RBMS1: variants seen among roughly 807,000 people sequenced by gnomAD.
The protein encoded by RBMS1 is RNA binding motif single stranded interacting protein 1, also known as RNA-binding motif, single-stranded-interacting protein 1.
A neutral mutation model predicts 62.3 loss-of-function variants in RBMS1; 17 were observed. The ratio of observed to expected loss-of-function variants is 0.27; its 90% CI spans 0.19 to 0.41. The LOEUF (loss-of-function observed/expected upper bound fraction) is 0.41. Ranked by LOEUF, RBMS1 falls within the 10% of genes least tolerant of loss-of-function variation. RBMS1 has a pLI of 1.00. For missense variants in RBMS1, 334 were observed against 504.5 expected (o/e 0.66, Z 3.24); for synonymous variants, 172 against 170.0 (o/e 1.01, Z -0.09).
intron 1 of RBMS1, among the ~76,000 whole-genome samples, chr2:160,374,609 A>G (rs1266364484): frequency 6.6e-6 from 1 of 151,994 alleles, no homozygotes; most frequent in African/African-American, 2.4e-5. Flanking sequence ...CCTTCCTTCT[A>G]TAAAAATAAT....
At chr2:160,339,419 T>G (rs1165650071) in intron 2 of RBMS1, among the ~76,000 whole-genome samples, 1 of 152,188 alleles carries the variant, frequency 6.6e-6, no homozygotes, top group East Asian at 1.9e-4. Context: ...TGTTACTCGT[T>G]TTTCCTGTGT....
At chr2:160,351,002 A>G (rs773003220) in intron 2 of RBMS1, among the ~76,000 whole-genome samples, 3 of 152,076 alleles carry the variant, frequency 2.0e-5, no homozygotes, top group Non-Finnish European at 2.9e-5. Flanking sequence ...CGCCATAAAA[A>G]AGGATAAGTT....
chr2:160,486,394 T>C (rs572698755), intron 1 of RBMS1, among the ~76,000 whole-genome samples: 1 of 152,194 alleles, frequency 6.6e-6, no homozygotes, highest in African/African-American at 2.4e-5. Context: ...AAGAAACACC[T>C]CTAGTATTGT....
At chr2:160,300,550 T>G in intron 6 of RBMS1, 101 bp downstream of exon 6, 1 of 1,371,614 alleles carries the variant, frequency 7.3e-7, no homozygotes, top group South Asian at 2.1e-5. Context: ...TCTTAAAGAG[T>G]GAAATGAGGG....
chr2:160,289,798 T>C (rs1201388878), intron 6 of RBMS1, among the ~76,000 whole-genome samples: 1 of 152,036 alleles, frequency 6.6e-6, no homozygotes, highest in Non-Finnish European at 1.5e-5. Context: ...GTTCCATTTA[T>C]TTGAAGGACA....
intron 1 of RBMS1, among the ~76,000 whole-genome samples, chr2:160,487,231 G>C (rs1017959970): frequency 6.6e-6 from 1 of 152,114 alleles, no homozygotes; most frequent in African/African-American, 2.4e-5. Flanking sequence ...CAGATTTATT[G>C]TAGCTTTTAT....
chr2:160,326,742 G>C (rs545246434), intron 2 of RBMS1, among the ~76,000 whole-genome samples: 1 of 152,166 alleles, frequency 6.6e-6, no homozygotes. Context: ...AAATTACAAT[G>C]AGGGATGACG....
At chr2:160,283,578 AT>A (rs2105933594) in intron 9 of RBMS1, 1 of 152,362 alleles carries the variant, frequency 6.6e-6, no homozygotes, top group Admixed American at 6.5e-5. Context: ...GTTTTAGCGT[AT>A]CTAATCACTT....
intron 1 of RBMS1, among the ~76,000 whole-genome samples, chr2:160,430,838 G>C (rs1004319139): frequency 2.6e-5 from 4 of 151,870 alleles, no homozygotes; most frequent in African/African-American, 9.7e-5. Context: ...TTCTTTCCTT[G>C]CTTATTCTCA....
At chr2:160,393,527 T>C (rs756265171) in intron 1 of RBMS1, among the ~76,000 whole-genome samples, 1 of 152,040 alleles carries the variant, frequency 6.6e-6, no homozygotes, top group African/African-American at 2.4e-5. Flanking sequence ...CCTGTAATCC[T>C]AGCAACTTTG....
In RBMS1 at chr2:160,309,082, G is replaced by C. The variant is rs546476796; in HGVS notation, c.402+4074C>G. Among the ~76,000 whole-genome samples the C allele has an allele frequency of 2.0e-5, 3 of 152,290 alleles. No individual in the cohort carries two copies. The South Asian group carries it at 6.2e-4, about 32-fold the overall frequency. ...GGGTGTCAGGCACTCCCACATTCCA[G>C]AGTGAGAAATCAGACCACCTAAAGA... On this transcript the variant is annotated intron_variant, in intron 4 of 13. Coordinates refer to ENST00000348849, the MANE Select transcript of RBMS1 (RefSeq NM_016836.4).
intron 1 of RBMS1, among the ~76,000 whole-genome samples, chr2:160,440,140 T>TCA (rs113758452): frequency 6.8e-6 from 1 of 146,258 alleles, no homozygotes. Flanking sequence ...TGAGACAGAG[T>TCA]CTCTGTTGCC....
chr2:160,425,318 T>C (rs1682504685), intron 1 of RBMS1, among the ~76,000 whole-genome samples: 1 of 152,218 alleles, frequency 6.6e-6, no homozygotes, highest in Admixed American at 6.5e-5. Context: ...CAAAATAACA[T>C]TTGTCTTCCA....
In RBMS1 at chr2:160,354,077, T is replaced by A. The variant is rs1692664484; in HGVS notation, c.251+13139A>T. Reference sequence around the variant, plus strand: ...TGTTATGCTGTTTCTCCATTAAGTATCTCTCTGTCTTCTGACTCCTGAATC... The same window carrying A: ...TGTTATGCTGTTTCTCCATTAAGTAACTCTCTGTCTTCTGACTCCTGAATC... On this transcript the variant is annotated intron_variant, in intron 2 of 13. Transcript: ENST00000348849. Among the ~76,000 whole-genome samples the A allele has an allele frequency of 1.3e-5, 2 of 152,122 alleles. 1 individual carries two copies. Among genetic ancestry groups the A allele is most frequent in the South Asian group, 4.1e-4 (2 of 4,836 alleles).
chr2:160,396,550 CTTTTTTTTT>C (rs59600753), intron 1 of RBMS1, among the ~76,000 whole-genome samples: 40 of 77,852 alleles, frequency 5.1e-4, no homozygotes, highest in East Asian at 5.1e-3. Flanking sequence ...TTCTTTTTAT[CTTTTTTTTT>C]TTTTTTTTTT....
chr2:160,288,043 T>TA lies in RBMS1; in HGVS notation c.641-960_641-959insT, dbSNP rs1205831063. Among the ~76,000 whole-genome samples, 377 of 102,774 alleles carry TA rather than the reference T, an allele frequency of 3.7e-3. 3 individuals carry two copies. The highest frequency in any genetic ancestry group is 0.011 in the African/African-American group (358 of 32,502). 67.4% of individuals were successfully genotyped at this position (102,774 alleles called of 152,430 possible). A position where few individuals can be genotyped will look rare whatever the true frequency, so the allele number is the denominator to read the frequency against. ...TTTCAAAGATATATACTCATTAGAG[T>TA]TAAAAAAAAAAAAAAGTCTACAGAC... On this transcript the variant is annotated intron_variant, in intron 6 of 13. Transcript: ENST00000348849.
chr2:160,318,229 T>TAAAAAAAAAAAAAAAATAAAAAAGAA lies in RBMS1; in HGVS notation c.252-3_252-2insTTCTTTTTTATTTTTTTTTTTTTTTT. 8.6e-7 allele frequency: 1 copy of TAAAAAAAAAAAAAAAATAAAAAAGAA among 1,163,254 alleles called. No individual in the cohort carries two copies. The allele number at this position is 1,163,254 out of a possible 1,614,324, so 72.1% of individuals were successfully genotyped here. A position where few individuals can be genotyped will look rare whatever the true frequency, so the allele number is the denominator to read the frequency against. On this transcript the variant is annotated splice_polypyrimidine_tract_variant and splice_region_variant and intron_variant, in intron 2 of 13. Transcript: ENST00000348849. ...TTTGTGGAGACTATTTTCCCATATC[T>TAAAAAAAAAAAAAAAATAAAAAAGAA]AAAAAAAAAAAAAAAAAAAAAAAGG...
At chr2:160,308,088 C>T (rs974592157) in intron 4 of RBMS1, among the ~76,000 whole-genome samples, 1 of 152,298 alleles carries the variant, frequency 6.6e-6, no homozygotes, top group East Asian at 1.9e-4. Context: ...ATCACCCAAG[C>T]ACAGGGGCTG....
At chr2:160,432,688 T>G (rs1478910642) in intron 1 of RBMS1, among the ~76,000 whole-genome samples, 1 of 152,026 alleles carries the variant, frequency 6.6e-6, no homozygotes, top group East Asian at 1.9e-4. Context: ...AGATATAAGG[T>G]ATAAGGAATG....
Sources: gnomAD v4.1 joint callset for allele counts (sites outside exome capture counted in the v4.1 genomes callset) on GRCh38, gnomAD v4.1.1 for gene constraint, MANE v1.5 for transcripts, NCBI Gene and HGNC (gene_info 2026-07-23, HGNC 2026-07-21) for gene names.